Variants in KAZN observed in about 807,000 individuals in gnomAD.
KAZN encodes the protein kazrin, periplakin interacting protein.
Under a neutral mutation model 87.4 loss-of-function variants are expected in KAZN, and 40 were observed. That is an observed-to-expected ratio of 0.46 (90% CI 0.36 to 0.60). The LOEUF (loss-of-function observed/expected upper bound fraction) is 0.60, where lower values mean the gene tolerates loss of function less well. Ranked by LOEUF, KAZN falls within the 20% of genes least tolerant of loss-of-function variation. The pLI is 0.00. For synonymous variants in KAZN, 466 were observed against 458.3 expected (o/e 1.02, Z -0.22); for missense variants, 898 against 1,073.9 (o/e 0.84, Z 2.29).
intron 5 of KAZN, among the ~76,000 whole-genome samples, chr1:15,057,496 G>A (rs1026786589): frequency 5.3e-5 from 8 of 152,166 alleles, no homozygotes; most frequent in African/African-American, 1.9e-4. Flanking sequence ...AGGTGACACA[G>A]GGGACTTTGA....
At chr1:14,185,315 G>T (rs1420488785) in intron 2 of KAZN, among the ~76,000 whole-genome samples, 1 of 152,162 alleles carries the variant, frequency 6.6e-6, no homozygotes, top group African/African-American at 2.4e-5. Context: ...GTTACCCTGG[G>T]ATATCTTGAA....
At chr1:14,568,437 G>C (rs887830409) in intron 2 of KAZN, among the ~76,000 whole-genome samples, 1 of 152,186 alleles carries the variant, frequency 6.6e-6, no homozygotes, top group Non-Finnish European at 1.5e-5. Flanking sequence ...AATTCCACAT[G>C]GCCGGAGAGG....
intron 2 of KAZN, among the ~76,000 whole-genome samples, chr1:14,355,435 TTTATA>T (rs1462914734): frequency 1.4e-5 from 2 of 139,992 alleles, no homozygotes; most frequent in Admixed American, 1.5e-4. Context: ...TATTTATTTA[TTTATA>T]TTATACTTTA....
intron 1 of KAZN, among the ~76,000 whole-genome samples, chr1:14,960,197 G>C (rs1663673937): frequency 1.3e-5 from 2 of 152,168 alleles, no homozygotes; most frequent in African/African-American, 4.8e-5. Flanking sequence ...CCAGGCCTTG[G>C]TTCAATTCCC....
At chr1:14,139,018 G>A (rs1427000691) in intron 1 of KAZN, among the ~76,000 whole-genome samples, 1 of 152,210 alleles carries the variant, frequency 6.6e-6, no homozygotes, top group Non-Finnish European at 1.5e-5. Flanking sequence ...TCCCAGAAAA[G>A]CGGCAGCCTT....
chr1:14,918,707 AATATATATAT>A (rs201058383), intron 1 of KAZN, among the ~76,000 whole-genome samples: 623 of 24,412 alleles, frequency 0.026, 5 homozygotes, highest in East Asian at 0.062. Flanking sequence ...AAAAAAAAAA[AATATATATAT>A]ATATATATAT....
At chr1:14,343,169 A>G (rs2100913629) in intron 2 of KAZN, among the ~76,000 whole-genome samples, 1 of 152,184 alleles carries the variant, frequency 6.6e-6, no homozygotes, top group African/African-American at 2.4e-5. Flanking sequence ...CAAACAAACA[A>G]CAAAAAACTT....
chr1:14,981,654 C>T (rs964266410), intron 2 of KAZN, among the ~76,000 whole-genome samples: 4 of 152,220 alleles, frequency 2.6e-5, no homozygotes, highest in African/African-American at 9.6e-5. Flanking sequence ...ATATGACAAA[C>T]ACAATACTGG....
chr1:14,690,727 A>C (rs569830088), intron 1 of KAZN, among the ~76,000 whole-genome samples: 3 of 152,162 alleles, frequency 2.0e-5, no homozygotes, highest in Non-Finnish European at 2.9e-5. Context: ...CCTCCTTAAT[A>C]ACTTTGCCTT....
chr1:15,116,054 T>C lies in KAZN; in HGVS notation c.*1419T>C, dbSNP rs11807820. 0.17 allele frequency: 26,415 copies of C among 152,088 alleles called. 3,798 individuals carry two copies. Among genetic ancestry groups the C allele is most frequent in the African/African-American group, 0.4 (16,619 of 41,386 alleles). The allele number at this position is 152,088 out of a possible 1,614,324, so 9.4% of individuals were successfully genotyped here. On this transcript the variant is annotated 3_prime_UTR_variant, in exon 15 of 15. Transcript: ENST00000376030. Reference sequence around the variant, plus strand: ...CATGAGCACAGCCTTGAAAACCAGTTTGACTCAAGCCTTCGGGCCTCAGTT... The same window carrying C: ...CATGAGCACAGCCTTGAAAACCAGTCTGACTCAAGCCTTCGGGCCTCAGTT...
At chr1:15,042,596 T>C (rs1015674111) in intron 3 of KAZN, among the ~76,000 whole-genome samples, 1 of 152,100 alleles carries the variant, frequency 6.6e-6, no homozygotes, top group Admixed American at 6.5e-5. Flanking sequence ...TGTGGTATTA[T>C]CCCCTGGTTA....
intron 1 of KAZN, among the ~76,000 whole-genome samples, chr1:14,017,469 C>T (rs1640623234): frequency 6.6e-6 from 1 of 152,208 alleles, no homozygotes; most frequent in African/African-American, 2.4e-5. Flanking sequence ...TGCATTTGTT[C>T]TTTTCTATGA....
intron 1 of KAZN, among the ~76,000 whole-genome samples, chr1:14,030,349 A>G (rs1286413933): frequency 3.4e-5 from 5 of 147,678 alleles, no homozygotes; most frequent in African/African-American, 1.2e-4. Flanking sequence ...CAAACACCGC[A>G]TATTCTCACT....
Position 14,681,639 on chromosome 1 carries a change from A to G in KAZN, c.226+82416A>G, listed in dbSNP as rs867378855. ...TATATATATATATATATATATATAT[A>G]TATATATATATATATATATTTTTTT... On this transcript the variant is annotated intron_variant, in intron 1 of 14. Transcript: ENST00000376030. 3.9e-3 allele frequency among the ~76,000 whole-genome samples: 39 copies of G among 10,110 alleles called. 4 individuals carry two copies. Among genetic ancestry groups the G allele is most frequent in the Non-Finnish European group, 4.8e-3 (23 of 4,828 alleles). The allele number at this position is 10,110 out of a possible 152,430, so 6.6% of individuals were successfully genotyped here. A position where few individuals can be genotyped will look rare whatever the true frequency, so the allele number is the denominator to read the frequency against.
chr1:14,290,880 T>A (rs550853553), intron 2 of KAZN, among the ~76,000 whole-genome samples: 38 of 152,226 alleles, frequency 2.5e-4, no homozygotes, highest in African/African-American at 7.2e-5. Flanking sequence ...ATGTCCTTTT[T>A]GTTGATATTG....
intron 5 of KAZN, among the ~76,000 whole-genome samples, chr1:15,057,081 C>T (rs1192340615): frequency 6.6e-6 from 1 of 152,250 alleles, no homozygotes; most frequent in African/African-American, 2.4e-5. Context: ...CAGCCCTGAC[C>T]TACAAGGGCC....
At chr1:15,010,168 GT>G (rs1669436249) in intron 2 of KAZN, among the ~76,000 whole-genome samples, 1 of 152,138 alleles carries the variant, frequency 6.6e-6, no homozygotes, top group Non-Finnish European at 1.5e-5. Flanking sequence ...GAAACATGTT[GT>G]TTGTCTGGTA....
chr1:14,297,616 C>G (rs1017352193), intron 2 of KAZN, among the ~76,000 whole-genome samples: 2 of 152,084 alleles, frequency 1.3e-5, no homozygotes, highest in African/African-American at 4.8e-5. Flanking sequence ...TGGATGGGCA[C>G]TGTTCTCTCC....
chr1:14,279,760 A>G (rs1435382927), intron 2 of KAZN, among the ~76,000 whole-genome samples: 1 of 152,206 alleles, frequency 6.6e-6, no homozygotes, highest in Non-Finnish European at 1.5e-5. Context: ...ACATTGAGAC[A>G]GGCAGAAAAA....
Sources: allele counts gnomAD v4.1 joint callset (sites outside exome capture counted in the v4.1 genomes callset), GRCh38; gene constraint gnomAD v4.1.1; transcripts MANE v1.5; gene names NCBI Gene and HGNC (gene_info 2026-07-23, HGNC 2026-07-21).